Variants in MAD1L1 observed in about 807,000 individuals in gnomAD.
MAD1L1 encodes the protein mitotic arrest deficient 1 like 1.
MAD1L1 carries 95 observed loss-of-function variants against 96.9 expected under a neutral mutation model. The observed-to-expected ratio is 0.98, with a 90% confidence interval of 0.83 to 1.16. The LOEUF (loss-of-function observed/expected upper bound fraction) is 1.16. Among genes scored for constraint, MAD1L1 ranks in the 50% most tolerant of loss-of-function variants. The pLI is 0.00. For missense variants in MAD1L1, 1,007 were observed against 954.4 expected, an observed-to-expected ratio of 1.06 and a Z score of -0.73; for synonymous variants, 473 against 396.6, an observed-to-expected ratio of 1.19 and a Z score of -2.29.
Position 2,230,186 on chromosome 7 carries a change from A to T in MAD1L1, c.-10-43T>A, listed in dbSNP as rs898323334. On this transcript the variant is annotated intron_variant, in intron 2 of 18. Coordinates refer to ENST00000265854, the MANE Select transcript of MAD1L1 (RefSeq NM_001013836.2). ...AGGACTGGTCAGGGGCAGCCTTTCCACGTGCCATCAGCCGTGCAGTCAGCA... is the reference window on the plus strand; with the variant it reads ...AGGACTGGTCAGGGGCAGCCTTTCCTCGTGCCATCAGCCGTGCAGTCAGCA... 14 of 1,525,166 alleles carry T rather than the reference A, an allele frequency of 9.2e-6. No individual in the cohort carries two copies. The South Asian group carries it at 1.6e-4, about 17-fold the overall frequency. The allele number at this position is 1,525,166 out of a possible 1,614,324, so 94.5% of individuals were successfully genotyped here.
chr7:1,872,586 A>G (rs4721135), intron 18 of MAD1L1: 56,413 of 151,964 alleles, frequency 0.37, 10,636 homozygotes, highest in East Asian at 0.46. Context: ...GCTGAAAATC[A>G]CCTCCAGGAC....
In MAD1L1 at chr7:2,114,187, T is replaced by C. The variant is rs906878825; in HGVS notation, c.1073+34965A>G. On this transcript the variant is annotated intron_variant, in intron 11 of 18. Coordinates refer to ENST00000265854, the MANE Select transcript of MAD1L1 (RefSeq NM_001013836.2). This position sits in a 1 kb window ranked among gnomAD's most constrained non-coding sequence, Gnocchi z 4.2. ...CAACTTTCCTGTCAGTGTAACATTA[T>C]GTCAAAATGAAAAGTTCCCAGAAGA... 1.3e-5 allele frequency among the ~76,000 whole-genome samples: 2 copies of C among 152,238 alleles called. No individual in the cohort carries two copies. The highest frequency in any genetic ancestry group is 2.9e-5 in the Non-Finnish European group (2 of 68,034).
Position 2,229,984 on chromosome 7 carries a change from C to T in MAD1L1, c.150G>A (p.Gln50=). ...SLQMQYQQSM[Q]LEERAEQIRS... is the part of the protein sequence containing the mutation. ...TCCCACCCAGGCACATGCCACTCAC[C>T]TGCATGCTCTGCTGGTACTGCATCT... is the stretch of plus-strand genomic sequence containing the variant. Residue 50 remains glutamine, a splice_region_variant and synonymous_variant, in exon 3 of 19, where the codon CAG becomes CAA. Transcript: ENST00000265854. 6.2e-7 allele frequency: 1 copy of T among 1,612,504 alleles called. No homozygotes were observed. Among genetic ancestry groups the T allele is most frequent in the Non-Finnish European group, 8.5e-7 (1 of 1,179,976 alleles).
At chr7:2,175,124 C>T (rs996115588) in intron 10 of MAD1L1, 1 of 152,262 alleles carries the variant, frequency 6.6e-6, no homozygotes, top group Non-Finnish European at 1.5e-5. Context: ...GTTCACTTAC[C>T]GTAGTCCATA....
Position 2,142,804 on chromosome 7 carries a change from G to C in MAD1L1, c.1073+6348C>G, listed in dbSNP as rs1030355975. On this transcript the variant is annotated intron_variant, in intron 11 of 18. Transcript: ENST00000265854. This position sits in a 1 kb window ranked among gnomAD's most constrained non-coding sequence, Gnocchi z 4.7. The stretch of plus-strand genomic sequence containing the variant: ...GGTGGTCAGGTTGAGCATGAGACTT[G>C]CTGGGAACACATGGCTGAGGCCATG... Among the ~76,000 whole-genome samples, 1 of 152,240 alleles carries C rather than the reference G, an allele frequency of 6.6e-6. No individual in the cohort carries two copies. The highest frequency in any genetic ancestry group is 2.4e-5 in the African/African-American group (1 of 41,470).
intron 12 of MAD1L1, among the ~76,000 whole-genome samples, chr7:2,015,625 A>T (rs1478740665): frequency 6.6e-6 from 1 of 152,194 alleles, no homozygotes; most frequent in Non-Finnish European, 1.5e-5. Flanking sequence ...CCTGAACCAC[A>T]GCCCCCGGAC....
intron 10 of MAD1L1, among the ~76,000 whole-genome samples, chr7:2,204,426 C>A (rs998625387): frequency 6.6e-6 from 1 of 152,190 alleles, no homozygotes; most frequent in African/African-American, 2.4e-5. Flanking sequence ...ACATCCATTA[C>A]GCCAAAGGGT....
At chr7:1,977,201 A>G (rs1330614208) in intron 15 of MAD1L1, among the ~76,000 whole-genome samples, 1 of 152,234 alleles carries the variant, frequency 6.6e-6, no homozygotes, top group East Asian at 1.9e-4. Flanking sequence ...GTGGGAGCCC[A>G]CGGCTGGGGG....
intron 18 of MAD1L1, chr7:1,847,269 G>A: frequency 2.1e-6 from 1 of 471,036 alleles, no homozygotes. Flanking sequence ...TTTCTTTCGG[G>A]ACACAACCGA....
intron 11 of MAD1L1, chr7:2,079,629 T>C (rs1365300647): frequency 1.3e-5 from 6 of 470,662 alleles, no homozygotes; most frequent in African/African-American, 4.0e-5. Flanking sequence ...AGAAGGAAAA[T>C]TGCCCTTTGC....
At chr7:1,989,908 G>A (rs1421646446) in intron 14 of MAD1L1, among the ~76,000 whole-genome samples, 1 of 152,222 alleles carries the variant, frequency 6.6e-6, no homozygotes, top group Non-Finnish European at 1.5e-5. Context: ...AATGGTCCTT[G>A]TGGCAAACTC....
chr7:1,981,902 T>C (rs1780924451), intron 14 of MAD1L1, among the ~76,000 whole-genome samples: 2 of 152,112 alleles, frequency 1.3e-5, no homozygotes, highest in South Asian at 4.1e-4. Flanking sequence ...CCCATAAATA[T>C]ATACAATTAT....
chr7:2,144,732 G>T (rs964379599), intron 11 of MAD1L1, among the ~76,000 whole-genome samples: 2 of 152,168 alleles, frequency 1.3e-5, no homozygotes, highest in East Asian at 1.9e-4. Context: ...TGTGTGAAGC[G>T]TGAGCAGAGG....
chr7:2,034,619 T>C (rs1184844468), intron 12 of MAD1L1, among the ~76,000 whole-genome samples: 1 of 152,240 alleles, frequency 6.6e-6, no homozygotes, highest in African/African-American at 2.4e-5. Context: ...TGCAATAAAA[T>C]GTCACAAGTG....
chr7:2,160,545 G>C (rs922107121), intron 10 of MAD1L1, among the ~76,000 whole-genome samples: 1 of 151,980 alleles, frequency 6.6e-6, no homozygotes, highest in African/African-American at 2.4e-5. Context: ...GTGTTAGCCA[G>C]GATGGTCTCG....
chr7:1,984,481 A>T (rs1781057136), intron 14 of MAD1L1, among the ~76,000 whole-genome samples: 1 of 152,250 alleles, frequency 6.6e-6, no homozygotes, highest in Non-Finnish European at 1.5e-5. Context: ...ATCGCAGATT[A>T]GGACATAAAT....
At chr7:2,172,274 A>C (rs781567273) in intron 10 of MAD1L1, among the ~76,000 whole-genome samples, 1 of 152,058 alleles carries the variant, frequency 6.6e-6, no homozygotes, top group Non-Finnish European at 1.5e-5. Context: ...CCCATTCAAC[A>C]GACAAGCACA....
chr7:2,122,657 C>T (rs1382634355), intron 11 of MAD1L1, among the ~76,000 whole-genome samples: 1 of 152,122 alleles, frequency 6.6e-6, no homozygotes, highest in African/African-American at 2.4e-5. Context: ...GGAGTTGACG[C>T]TGGCCTGCTC....
chr7:2,078,376 G>C (rs1785479098), intron 11 of MAD1L1, among the ~76,000 whole-genome samples: 1 of 152,240 alleles, frequency 6.6e-6, no homozygotes, highest in African/African-American at 2.4e-5. Context: ...CGAATGGGCA[G>C]GGGAGGACTG....
Sources: allele counts gnomAD v4.1 joint callset (sites outside exome capture counted in the v4.1 genomes callset), GRCh38; gene constraint gnomAD v4.1.1; non-coding constraint Gnocchi (gnomAD v3.1); transcripts MANE v1.5; gene names NCBI Gene and HGNC (gene_info 2026-07-23, HGNC 2026-07-21).